The following IL22RA1 variants were observed in gnomAD, a reference collection of about 807,000 sequenced individuals.
The protein encoded by IL22RA1 is interleukin 22 receptor subunit alpha 1.
In IL22RA1, 25 loss-of-function variants were observed where a neutral mutation model predicts 32.8. The ratio of observed to expected loss-of-function variants is 0.76; its 90% CI spans 0.55 to 1.06. The LOEUF is 1.06. Ranked by LOEUF, IL22RA1 falls within the 50% of genes least tolerant of loss-of-function variation. IL22RA1 has a pLI of 0.00. For synonymous variants in IL22RA1, 305 were observed against 305.0 expected, an observed-to-expected ratio of 1.00 and a Z score of 0.00; for missense variants, 709 against 727.4, an observed-to-expected ratio of 0.97 and a Z score of 0.29.
rs577776808 is a variant in IL22RA1, at chr1:24,134,837, A to G, written c.356-451T>C. Reference sequence around the variant, plus strand: ...TGCAGCCTCAAAGATCAGGCTGAAGACTTCTGTCTCTCTCAAGATGGAATT... The same window carrying G: ...TGCAGCCTCAAAGATCAGGCTGAAGGCTTCTGTCTCTCTCAAGATGGAATT... On this transcript the variant is annotated intron_variant, in intron 3 of 6. Transcript: ENST00000270800. 39 of 984,630 alleles carry G rather than the reference A, an allele frequency of 4.0e-5. No homozygotes were observed. In the African/African-American group the frequency reaches 6.3e-4, roughly 16 times the overall value. The allele number at this position is 984,630 out of a possible 1,614,324, so 61.0% of individuals were successfully genotyped here. A position where few individuals can be genotyped will look rare whatever the true frequency, so the allele number is the denominator to read the frequency against.
chr1:24,126,322 A>T (rs2148570973), intron 5 of IL22RA1, among the ~76,000 whole-genome samples: 1 of 152,348 alleles, frequency 6.6e-6, no homozygotes, highest in African/African-American at 2.4e-5. Flanking sequence ...CAGGTGGAGA[A>T]ATCAGTCTCT....
At position 24,120,010 on chromosome 1, in the gene IL22RA1, T is replaced by C. The variant is rs1315163163; in HGVS notation, c.*795A>G. On this transcript the variant is annotated 3_prime_UTR_variant, in exon 7 of 7. Transcript: ENST00000270800. ...TGAACCCAAGGCAGAGCTTGCAAAG[T>C]TGTGACATCAGTACAGTGTGTTATT... The C allele has an allele frequency of 6.6e-6, 1 of 152,258 alleles. No homozygotes were observed. The highest frequency in any genetic ancestry group is 2.1e-4 in the South Asian group (1 of 4,826). The allele number at this position is 152,258 out of a possible 1,614,324, so 9.4% of individuals were successfully genotyped here.
At chr1:24,125,615 T>C (rs1434591382) in intron 5 of IL22RA1, among the ~76,000 whole-genome samples, 1 of 152,082 alleles carries the variant, frequency 6.6e-6, no homozygotes, top group Admixed American at 6.6e-5. Flanking sequence ...AAGTGGTGGG[T>C]AGAGCCCAGC....
intron 4 of IL22RA1, 64 bp from the exon 5 acceptor site, chr1:24,128,343 G>A: frequency 1.2e-6 from 2 of 1,601,862 alleles, no homozygotes; most frequent in Non-Finnish European, 1.7e-6. Context: ...AGAGCCCAAG[G>A]AAGCTTGCTC....
chr1:24,131,158 A>G (rs1644202312), intron 4 of IL22RA1, among the ~76,000 whole-genome samples: 1 of 152,252 alleles, frequency 6.6e-6, no homozygotes, highest in Non-Finnish European at 1.5e-5. Flanking sequence ...TATTATCTGA[A>G]ATTTAAAAAC....
At position 24,123,421 on chromosome 1, in the gene IL22RA1, G is replaced by A. The variant is rs1366630856; in HGVS notation, c.673C>T (p.Arg225Trp). The A allele has an allele frequency of 9.3e-6, 15 of 1,612,752 alleles. No individual in the cohort carries two copies. The highest frequency in any genetic ancestry group is 3.3e-5 in the Admixed American group (2 of 59,844). Residue 225 changes from arginine (R) to tryptophan (W), a missense_variant and splice_region_variant, in exon 6 of 7, where the codon CGG becomes TGG. Arg to Trp is a moderately radical substitution (Grantham distance 101). Transcript: ENST00000270800. ...YMCRVKTLPDRTWTYSFSGAF... is the reference protein window; with the variant it reads ...YMCRVKTLPDWTWTYSFSGAF... The stretch of plus-strand genomic sequence containing the variant: ...CCGGAGAAGGAGTAGGTCCATGTCC[G>A]GTCTGGGAAACCAAAGGGGCCAGAG...
chr1:24,130,332 A>G (rs956289242), intron 4 of IL22RA1, among the ~76,000 whole-genome samples: 1 of 152,208 alleles, frequency 6.6e-6, no homozygotes, highest in Admixed American at 6.5e-5. Flanking sequence ...AAATGAGGGG[A>G]GAAAGCACAG....
Position 24,121,329 on chromosome 1 carries a change from G to C in IL22RA1, c.1201C>G (p.Pro401Ala). ...APQATPDSWP[P>A]SYGVCMEGSG... Reference sequence around the variant, plus strand: ...CCTTCCATGCATACCCCATAGGAGGGAGGCCAGCTGTCCGGAGTGGCTTGA... The same window carrying C: ...CCTTCCATGCATACCCCATAGGAGGCAGGCCAGCTGTCCGGAGTGGCTTGA... The change falls in exon 7 of 7, where the codon CCC becomes GCC. Residue 401 changes from proline (P) to alanine (A), a missense_variant. Pro to Ala is a conservative substitution (Grantham distance 27). Coordinates refer to ENST00000270800, the MANE Select transcript of IL22RA1 (RefSeq NM_021258.4). 1.2e-6 allele frequency: 2 copies of C among 1,606,754 alleles called. No homozygotes were observed. Among genetic ancestry groups the C allele is most frequent in the Non-Finnish European group, 8.5e-7 (1 of 1,174,940 alleles).
intron 5 of IL22RA1, among the ~76,000 whole-genome samples, chr1:24,123,972 C>A (rs972747789): frequency 6.6e-5 from 10 of 152,166 alleles, no homozygotes; most frequent in African/African-American, 2.4e-4. Flanking sequence ...GGAAGTACCC[C>A]CAAAAGAGGA....
At position 24,128,244 on chromosome 1, in the gene IL22RA1, G is replaced by A. The variant is rs35240302; in HGVS notation, c.567C>T (p.Phe189=). Residue 189 remains phenylalanine (F), a synonymous_variant, in exon 5 of 7, where the codon TTC becomes TTT. Coordinates refer to ENST00000270800, the MANE Select transcript of IL22RA1 (RefSeq NM_021258.4). The part of the protein sequence containing the change: ...LGGKQREYEF[F]GLTPDTEFLG... ...GGAACTCTGTGTCAGGGGTCAGGCC[G>A]AAGAACTCATATTCTCTCTGCTTCC... 1.7e-3 allele frequency: 2,770 copies of A among 1,612,040 alleles called. 44 individuals carry two copies. In the African/African-American group the frequency reaches 0.031, roughly 18 times the overall value.
rs1214470093 is a variant in IL22RA1 at position 24,128,206 on chromosome 1, A to G, written c.605T>C (p.Met202Thr). The G allele has an allele frequency of 1.2e-6, 2 of 1,606,970 alleles. No individual in the cohort carries two copies. Among genetic ancestry groups the G allele is most frequent in the Admixed American group, 1.7e-5 (1 of 59,416 alleles). The change falls in exon 5 of 7, where the codon ATG (methionine) becomes ACG (threonine). Residue 202 changes from methionine to threonine, a missense_variant. Met to Thr is a moderately conservative substitution (Grantham distance 81). Transcript: ENST00000270800. ...TPDTEFLGTI[M>T]ICVPTWAKES... ...CTTGGCCCAGGTGGGAACGCAAATCATGATGGTGCCAAGGAACTCTGTGTC... is the reference window on the plus strand; with the variant it reads ...CTTGGCCCAGGTGGGAACGCAAATCGTGATGGTGCCAAGGAACTCTGTGTC...
chr1:24,132,333 GTTT>G (rs756832081), intron 4 of IL22RA1, among the ~76,000 whole-genome samples: 1 of 135,258 alleles, frequency 7.4e-6, no homozygotes, highest in African/African-American at 2.8e-5. Context: ...TTGTGTGTGT[GTTT>G]TTTTTTTTTT....
intron 1 of IL22RA1, among the ~76,000 whole-genome samples, chr1:24,140,232 A>T (rs1289794576): frequency 2.0e-5 from 3 of 152,250 alleles, no homozygotes; most frequent in Non-Finnish European, 4.4e-5. Context: ...CCAGCATCAC[A>T]GTTAGCATGT....
At chr1:24,131,737 G>A (rs1221121215) in intron 4 of IL22RA1, among the ~76,000 whole-genome samples, 1 of 152,158 alleles carries the variant, frequency 6.6e-6, no homozygotes, top group Non-Finnish European at 1.5e-5. Context: ...AGACATAGAA[G>A]ATCTGAATAA....
intron 3 of IL22RA1, among the ~76,000 whole-genome samples, chr1:24,136,666 C>T (rs1007507903): frequency 6.6e-6 from 1 of 152,178 alleles, no homozygotes; most frequent in African/African-American, 2.4e-5. Context: ...AAGATGAGGA[C>T]CAGGATAGGC....
chr1:24,135,180 A>T (rs1644233852), intron 3 of IL22RA1, among the ~76,000 whole-genome samples: 1 of 152,244 alleles, frequency 6.6e-6, no homozygotes, highest in Admixed American at 6.5e-5. Context: ...ATTATTTTGC[A>T]CTGTGAAATA....
chr1:24,128,031 C>T (rs1644176879), intron 5 of IL22RA1, 110 bp downstream of exon 5: 2 of 1,131,998 alleles, frequency 1.8e-6, no homozygotes, highest in Non-Finnish European at 2.4e-6. Context: ...ATAACCCTTC[C>T]ATGGTTTTCT....
chr1:24,139,661 G>A (rs1644267272), intron 1 of IL22RA1, among the ~76,000 whole-genome samples: 1 of 152,152 alleles, frequency 6.6e-6, no homozygotes, highest in Admixed American at 6.5e-5. Context: ...AGCCTCCTGT[G>A]TAGCTGGGAC....
intron 4 of IL22RA1, among the ~76,000 whole-genome samples, chr1:24,132,638 A>G (rs1368120628): frequency 6.6e-6 from 1 of 151,540 alleles, no homozygotes; most frequent in African/African-American, 2.4e-5. Flanking sequence ...GGCTGGGACC[A>G]TGTTTTAAGA....
Sources: allele counts gnomAD v4.1 joint callset (sites outside exome capture counted in the v4.1 genomes callset), GRCh38; gene constraint gnomAD v4.1.1; transcripts MANE v1.5; gene names NCBI Gene and HGNC (gene_info 2026-07-23, HGNC 2026-07-21).